Variants in CHAF1B observed in about 807,000 individuals in gnomAD.
CHAF1B encodes the protein chromatin assembly factor 1 subunit B.
A neutral mutation model predicts 60.7 loss-of-function variants in CHAF1B; 10 were observed. The observed-to-expected ratio is 0.16, with a 90% CI of 0.10 to 0.28. CHAF1B has a LOEUF of 0.28. Among genes scored for constraint, CHAF1B ranks in the 10% least tolerant of loss-of-function variants. The probability of loss-of-function intolerance (pLI) is 1.00; values close to 1 mark genes in which losing one functional copy is unlikely to be tolerated. For missense variants in CHAF1B, 558 were observed against 708.4 expected (o/e 0.79, Z 2.41); for synonymous variants, 261 against 266.1 (o/e 0.98, Z 0.19).
intron 4 of CHAF1B, among the ~76,000 whole-genome samples, chr21:36,392,848 G>A (rs2086102861): frequency 6.6e-6 from 1 of 152,226 alleles, no homozygotes; most frequent in South Asian, 2.1e-4. Context: ...CACTTTGGGA[G>A]GCCAAGGCAG....
At position 36,408,811 on chromosome 21, in the gene CHAF1B, T is replaced by C. The variant is rs763675229; in HGVS notation, c.808T>C (p.Ser270Pro). 2 of 1,606,782 alleles carry C rather than the reference T, an allele frequency of 1.2e-6. No homozygotes were observed. ...ENVMNTTYVF[S>P]RKNLKRPIAH... ...TGTAATGAATACCACTTATGTTTTCTCCAGGAAGAATCTTAAAAGGTATGC... is the reference window on the plus strand; with the variant it reads ...TGTAATGAATACCACTTATGTTTTCCCCAGGAAGAATCTTAAAAGGTATGC... The change falls in exon 9 of 14, where the codon TCC (serine) becomes CCC (proline). Residue 270 changes from serine (S) to proline (P), a missense_variant. Ser to Pro is a moderately conservative substitution (Grantham distance 74). This residue lies in a region of CHAF1B where 325 missense variants were observed against 493.5 expected (regional missense o/e 0.66). Transcript: ENST00000314103.
chr21:36,393,124 A>C (rs2086105643), intron 4 of CHAF1B, among the ~76,000 whole-genome samples: 1 of 152,344 alleles, frequency 6.6e-6, no homozygotes, highest in Admixed American at 6.5e-5. Context: ...AGGCAGGAGA[A>C]TCAGGCAGGG....
At chr21:36,399,711 C>A in intron 7 of CHAF1B, 106 bp downstream of exon 7, 1 of 865,996 alleles carries the variant, frequency 1.2e-6, no homozygotes, top group Non-Finnish European at 1.9e-6. Context: ...CACAAAGAGC[C>A]GATTCCAGAA....
intron 9 of CHAF1B, 74 bp from the exon 10 acceptor site, chr21:36,409,300 C>T (rs1341240935): frequency 7.9e-7 from 1 of 1,272,778 alleles, no homozygotes; most frequent in Non-Finnish European, 1.1e-6. Flanking sequence ...CGCGCCCTGC[C>T]AAAATGTTTA....
At chr21:36,409,244 G>A (rs936796090) in intron 9 of CHAF1B, 130 bp from the exon 10 acceptor site, 9 of 548,478 alleles carry the variant, frequency 1.6e-5, no homozygotes, top group Middle Eastern at 5.8e-4. Flanking sequence ...CAGGTGATCC[G>A]CCTGCCTCCT....
chr21:36,402,758 G>A lies in CHAF1B; in HGVS notation c.664G>A (p.Ala222Thr), dbSNP rs1024789578. 6.2e-6 allele frequency: 10 copies of A among 1,611,794 alleles called. No homozygotes were observed. The highest frequency in any genetic ancestry group is 8.5e-6 in the Non-Finnish European group (10 of 1,178,862). ...TAAAAATAAATTTTGTGTGCGACAGGCAAGAAGCTACCGGATGTTTCACGA... is the reference window on the plus strand; with the variant it reads ...TAAAAATAAATTTTGTGTGCGACAGACAAGAAGCTACCGGATGTTTCACGA... ...MLSGIGAEGE[A>T]RSYRMFHDDS... The change falls in exon 8 of 14, where the codon GCA becomes ACA. Residue 222 changes from alanine to threonine, a missense_variant and splice_region_variant. Physicochemically the swap from Ala to Thr is moderately conservative, Grantham distance 58. Coordinates refer to ENST00000314103, the MANE Select transcript of CHAF1B (RefSeq NM_005441.3).
At position 36,396,393 on chromosome 21, in the gene CHAF1B, G is replaced by C. The variant is rs1454994834; in HGVS notation, c.482-1022G>C. 5.2e-5 allele frequency among the ~76,000 whole-genome samples: 7 copies of C among 135,500 alleles called. No individual in the cohort carries two copies. In the East Asian group the frequency reaches 1.7e-3, roughly 32 times the overall value. 88.9% of individuals were successfully genotyped at this position (135,500 alleles called of 152,430 possible). A position where few individuals can be genotyped will look rare whatever the true frequency, so the allele number is the denominator to read the frequency against. On this transcript the variant is annotated intron_variant, in intron 5 of 13. Transcript: ENST00000314103. ...AAAAAAAAAAAAAAAAGAATGACTT[G>C]TCAGGCACAGTGGCTCAGGCCTGTA...
intron 8 of CHAF1B, among the ~76,000 whole-genome samples, chr21:36,405,418 G>A (rs184485050): frequency 1.3e-5 from 2 of 152,038 alleles, no homozygotes; most frequent in East Asian, 3.9e-4. Flanking sequence ...AATACATAGA[G>A]TAAATTTATT....
rs1408609497 is a variant in CHAF1B at position 36,412,865 on chromosome 21, C to T, written c.1062-19C>T. ...AGTGTTGGTAAGGTCTGTAACTTTT[C>T]CCTGTTTTGGGGACGAAGGTCCAGC... On this transcript the variant is annotated intron_variant, in intron 11 of 13. Coordinates refer to ENST00000314103, the MANE Select transcript of CHAF1B (RefSeq NM_005441.3). 3.7e-6 allele frequency: 6 copies of T among 1,601,402 alleles called. No individual in the cohort carries two copies. The highest frequency in any genetic ancestry group is 5.1e-6 in the Non-Finnish European group (6 of 1,173,910).
At chr21:36,387,845 T>G in intron 3 of CHAF1B, 115 bp downstream of exon 3, 5 of 1,253,120 alleles carry the variant, frequency 4.0e-6, no homozygotes, top group Non-Finnish European at 5.6e-6. Context: ...TGAGATAGAG[T>G]TTCACTCTTG....
intron 4 of CHAF1B, 90 bp from the exon 5 acceptor site, chr21:36,394,457 A>G: frequency 1.2e-6 from 1 of 834,046 alleles, no homozygotes; most frequent in East Asian, 2.5e-5. Flanking sequence ...CAGTCTGTCT[A>G]CCTTGGCCTC....
chr21:36,392,949 T>C (rs2086103685), intron 4 of CHAF1B, among the ~76,000 whole-genome samples: 1 of 152,158 alleles, frequency 6.6e-6, no homozygotes, highest in East Asian at 1.9e-4. Flanking sequence ...TGAGACTCTG[T>C]CTGCAATCCC....
chr21:36,392,118 G>A (rs548388208), intron 4 of CHAF1B, among the ~76,000 whole-genome samples: 172 of 151,700 alleles, frequency 1.1e-3, no homozygotes, highest in Non-Finnish European at 2.2e-3. Flanking sequence ...TTAGGGAGTG[G>A]TGATGACTCT....
intron 3 of CHAF1B, among the ~76,000 whole-genome samples, chr21:36,389,758 G>GGTGTGTGTGTGT (rs1569119820): frequency 5.1e-5 from 6 of 118,626 alleles, no homozygotes; most frequent in African/African-American, 2.0e-4. Context: ...TGCATGAAGG[G>GGTGTGTGTGTGT]ATGTGTGTGT....
rs1447797970 is a variant in CHAF1B, at chr21:36,418,423, G to C, written c.*2057G>C. The stretch of plus-strand genomic sequence containing the variant: ...GGTGCCATCAGCTCTTCTGAAAAGA[G>C]ACAGCTTTCAGTGTCATGTGGCTGG... On this transcript the variant is annotated 3_prime_UTR_variant, in exon 14 of 14. Transcript: ENST00000314103. The C allele has an allele frequency of 6.6e-6, 1 of 152,388 alleles. No homozygotes were observed. The highest frequency in any genetic ancestry group is 1.5e-5 in the Non-Finnish European group (1 of 68,164). The allele number at this position is 152,388 out of a possible 1,614,324, so 9.4% of individuals were successfully genotyped here.
At chr21:36,388,468 G>GTTTTT (rs1168454008) in intron 3 of CHAF1B, among the ~76,000 whole-genome samples, 3 of 126,348 alleles carry the variant, frequency 2.4e-5, no homozygotes, top group African/African-American at 3.1e-5. Flanking sequence ...GGCTTTGGGA[G>GTTTTT]TTTTTTTTTT....
intron 8 of CHAF1B, among the ~76,000 whole-genome samples, chr21:36,406,843 G>T (rs1351927322): frequency 6.6e-6 from 1 of 152,176 alleles, no homozygotes; most frequent in Non-Finnish European, 1.5e-5. Context: ...TGAATGAGTA[G>T]TGCTGGGGTA....
intron 12 of CHAF1B, among the ~76,000 whole-genome samples, chr21:36,413,563 C>T (rs891737564): frequency 2.6e-5 from 4 of 152,206 alleles, no homozygotes; most frequent in African/African-American, 9.6e-5. Flanking sequence ...GATTTGGCTG[C>T]AGCCTGTCAT....
Position 36,415,390 on chromosome 21 carries a change from GTAAGTAA to G in CHAF1B, c.1588+4_1588+10del. The G allele has an allele frequency of 6.4e-7, 1 of 1,559,604 alleles. No homozygotes were observed. Among genetic ancestry groups the G allele is most frequent in the Non-Finnish European group, 8.8e-7 (1 of 1,130,676 alleles). On this transcript the variant is annotated splice_donor_variant and splice_donor_5th_base_variant and intron_variant, in intron 13 of 13. Transcript: ENST00000314103. LOFTEE classifies it high-confidence loss of function. The stretch of plus-strand genomic sequence containing the variant: ...CCTTCTACAGAAGAAATTCAGTCAG[GTAAGTAA>G]TATTGTTACTGGTTTAATATAATGA...
Sources: gnomAD v4.1 joint callset for allele counts (sites outside exome capture counted in the v4.1 genomes callset) on GRCh38, gnomAD v4.1.1 for gene constraint, gnomAD v4.1.1 regional missense constraint, MANE v1.5 for transcripts, NCBI Gene and HGNC (gene_info 2026-07-23, HGNC 2026-07-21) for gene names.